Variants in NRG1 observed in about 807,000 individuals in gnomAD.
NRG1 encodes pro-neuregulin-1, membrane-bound isoform.
A neutral mutation model predicts 63.8 loss-of-function variants in NRG1; 18 were observed. That is an observed-to-expected ratio of 0.28 (90% CI 0.19 to 0.42). The LOEUF is 0.42. NRG1 is among the 10% of genes least tolerant of loss of function. The pLI, the probability that NRG1 is intolerant of heterozygous loss-of-function variation, is 1.00. For missense variants in NRG1, 762 were observed against 814.7 expected (o/e 0.94, Z 0.79); for synonymous variants, 302 against 301.3 (o/e 1.00, Z -0.02).
chr8:32,138,572 T>G (rs1835846803), intron 1 of NRG1, among the ~76,000 whole-genome samples: 1 of 151,922 alleles, frequency 6.6e-6, no homozygotes, highest in Non-Finnish European at 1.5e-5. Context: ...GCGATTTCTT[T>G]TTTTTTGAGA....
At chr8:32,132,950 T>TCTTC (rs920001258) in intron 1 of NRG1, among the ~76,000 whole-genome samples, 6 of 151,994 alleles carry the variant, frequency 3.9e-5, no homozygotes, top group East Asian at 3.9e-4. Context: ...AATTGGCCAG[T>TCTTC]CTTCCTTCCT....
At chr8:32,338,159 A>G (rs1306235179) in intron 1 of NRG1, among the ~76,000 whole-genome samples, 1 of 152,196 alleles carries the variant, frequency 6.6e-6, no homozygotes, top group East Asian at 1.9e-4. Flanking sequence ...GTTACCATGA[A>G]GTGAACTCTA....
At chr8:32,483,708 C>T (rs1405490965) in intron 1 of NRG1, among the ~76,000 whole-genome samples, 2 of 152,174 alleles carry the variant, frequency 1.3e-5, no homozygotes, top group African/African-American at 2.4e-5. Context: ...TTTCCTTACA[C>T]TACTGAGAAG....
chr8:32,002,979 G>A (rs898620599), intron 1 of NRG1, among the ~76,000 whole-genome samples: 1 of 151,868 alleles, frequency 6.6e-6, no homozygotes, highest in Admixed American at 6.6e-5. Flanking sequence ...AAATTCTATT[G>A]TATGCTTGTA....
intron 1 of NRG1, among the ~76,000 whole-genome samples, chr8:31,832,911 G>A (rs1166500452): frequency 1.3e-5 from 2 of 152,124 alleles, no homozygotes; most frequent in Non-Finnish European, 2.9e-5. Context: ...GATTGTTAAT[G>A]AACATTCTTT....
chr8:31,800,837 C>CTTTTTTTTTTTTTTT lies in NRG1; in HGVS notation c.37+161413_37+161427dup, dbSNP rs5890598. The stretch of plus-strand genomic sequence containing the variant: ...GATTTAGATTTCTCCAGTCTCCTTT[C>CTTTTTTTTTTTTTTT]TTTTTTTTTTTTTTTTTTTTTGAGA... On this transcript the variant is annotated intron_variant, in intron 1 of 10. Transcript: ENST00000519301. Among the ~76,000 whole-genome samples the CTTTTTTTTTTTTTTT allele has an allele frequency of 1.0e-4, 11 of 105,048 alleles. 1 individual carries two copies. The highest frequency in any genetic ancestry group is 3.7e-4 in the African/African-American group (10 of 26,690). 68.9% of individuals were successfully genotyped at this position (105,048 alleles called of 152,430 possible). A position where few individuals can be genotyped will look rare whatever the true frequency, so the allele number is the denominator to read the frequency against.
At chr8:31,998,287 AC>A (rs1200974237) in intron 1 of NRG1, among the ~76,000 whole-genome samples, 1 of 152,040 alleles carries the variant, frequency 6.6e-6, no homozygotes, top group Non-Finnish European at 1.5e-5. Context: ...CATTCAATCA[AC>A]TATACATATA....
At chr8:31,847,359 C>A (rs892895773) in intron 1 of NRG1, among the ~76,000 whole-genome samples, 1 of 151,650 alleles carries the variant, frequency 6.6e-6, no homozygotes, top group Non-Finnish European at 1.5e-5. Context: ...TCTCCTTAAT[C>A]TACACTTCCA....
intron 1 of NRG1, among the ~76,000 whole-genome samples, chr8:32,498,993 C>T (rs1827544213): frequency 6.6e-6 from 1 of 152,312 alleles, no homozygotes; most frequent in Non-Finnish European, 1.5e-5. Context: ...CAGGGAGTTG[C>T]ATACCTCAAA....
chr8:31,962,922 AT>A (rs1191743227), intron 1 of NRG1, among the ~76,000 whole-genome samples: 2 of 152,180 alleles, frequency 1.3e-5, no homozygotes, highest in Non-Finnish European at 2.9e-5. Context: ...GAGAAGCCTC[AT>A]TTATATTTAA....
intron 1 of NRG1, among the ~76,000 whole-genome samples, chr8:32,219,064 A>T (rs1319057126): frequency 6.6e-6 from 1 of 152,198 alleles, no homozygotes; most frequent in African/African-American, 2.4e-5. Context: ...TGCTTACACA[A>T]TACAGAAATA....
chr8:32,718,064 A>G (rs974132009), intron 5 of NRG1, among the ~76,000 whole-genome samples: 13 of 152,324 alleles, frequency 8.5e-5, no homozygotes, highest in Admixed American at 8.5e-4. Context: ...TCTTAATGGG[A>G]TCCTTTATAT....
At chr8:32,534,443 T>A (rs975331427) in intron 1 of NRG1, among the ~76,000 whole-genome samples, 1 of 152,170 alleles carries the variant, frequency 6.6e-6, no homozygotes, top group Admixed American at 6.5e-5. Flanking sequence ...AAATTAGTTA[T>A]AGGCTTTGGA....
At chr8:31,901,235 G>A (rs572386116) in intron 1 of NRG1, among the ~76,000 whole-genome samples, 2 of 152,298 alleles carry the variant, frequency 1.3e-5, no homozygotes, top group African/African-American at 4.8e-5. Context: ...AAAAGCAAAT[G>A]ATGATATAAC....
At chr8:32,469,474 G>T (rs1823500957) in intron 1 of NRG1, among the ~76,000 whole-genome samples, 1 of 152,096 alleles carries the variant, frequency 6.6e-6, no homozygotes, top group Non-Finnish European at 1.5e-5. Context: ...CTGTAGCAGG[G>T]TTATTATTAA....
intron 1 of NRG1, among the ~76,000 whole-genome samples, chr8:32,038,279 T>C (rs966966906): frequency 6.6e-6 from 1 of 152,188 alleles, no homozygotes; most frequent in Non-Finnish European, 1.5e-5. Context: ...CGCTCCACCC[T>C]GCTTTTCCTC....
At chr8:32,190,968 T>C (rs186802974) in intron 1 of NRG1, among the ~76,000 whole-genome samples, 1 of 152,362 alleles carries the variant, frequency 6.6e-6, no homozygotes, top group East Asian at 1.9e-4. Flanking sequence ...TTTTTTATAC[T>C]GGATAGTAGA....
intron 1 of NRG1, among the ~76,000 whole-genome samples, chr8:32,577,214 G>A (rs1254415749): frequency 6.6e-6 from 1 of 152,148 alleles, no homozygotes; most frequent in Non-Finnish European, 1.5e-5. Context: ...CCTCAATGCA[G>A]TCCACCACTG....
chr8:31,729,237 GTTTTT>G (rs55859430), intron 1 of NRG1, among the ~76,000 whole-genome samples: 1 of 149,678 alleles, frequency 6.7e-6, no homozygotes, highest in Non-Finnish European at 1.5e-5. Flanking sequence ...AATAAACAAA[GTTTTT>G]TTTTTTTTTC....
Sources: gnomAD v4.1 joint callset for allele counts (sites outside exome capture counted in the v4.1 genomes callset) on GRCh38, gnomAD v4.1.1 for gene constraint, MANE v1.5 for transcripts, NCBI Gene and HGNC (gene_info 2026-07-23, HGNC 2026-07-21) for gene names.